BCAS3: variants seen among roughly 807,000 people sequenced by gnomAD.
BCAS3 encodes BCAS3 microtubule associated cell migration factor.
In BCAS3, 53 loss-of-function variants were observed where a neutral mutation model predicts 116.1. The ratio of observed to expected loss-of-function variants is 0.46; its 90% CI spans 0.37 to 0.57. BCAS3 has a LOEUF of 0.57. BCAS3 is among the 20% of genes least tolerant of loss of function. BCAS3 has a pLI of 0.00. For synonymous variants in BCAS3, 391 were observed against 408.2 expected (o/e 0.96, Z 0.51); for missense variants, 917 against 1,165.4 (o/e 0.79, Z 3.10).
rs1307029585 is a variant in BCAS3 at position 61,339,879 on chromosome 17, A to C, written c.2426-28448A>C. Among the ~76,000 whole-genome samples, 2 of 152,168 alleles carry C rather than the reference A, an allele frequency of 1.3e-5. No homozygotes were observed. The highest frequency in any genetic ancestry group is 4.8e-5 in the African/African-American group (2 of 41,448). The stretch of plus-strand genomic sequence containing the variant: ...GGTGAGTGTGCTGTCCCGAAAGCCA[A>C]GTAGAGAGAGGGTCAACTATGTCGA... On this transcript the variant is annotated intron_variant, in intron 22 of 23. Coordinates refer to ENST00000407086, the MANE Select transcript of BCAS3 (RefSeq NM_017679.5). The surrounding 1 kb of genome is among the most constrained non-coding windows in gnomAD (Gnocchi z 4.4).
At chr17:60,836,111 A>G (rs2051351631) in intron 7 of BCAS3, among the ~76,000 whole-genome samples, 1 of 152,172 alleles carries the variant, frequency 6.6e-6, no homozygotes, top group Non-Finnish European at 1.5e-5. Flanking sequence ...ATACATTTAT[A>G]GCCTCTGCCA....
At chr17:61,341,936 A>T (rs1391730931) in intron 22 of BCAS3, among the ~76,000 whole-genome samples, 1 of 152,254 alleles carries the variant, frequency 6.6e-6, no homozygotes, top group Non-Finnish European at 1.5e-5. Flanking sequence ...TCTAGATATG[A>T]TAGACAGAAA....
In BCAS3 at chr17:61,339,037, A is replaced by G. The variant is rs952036849; in HGVS notation, c.2426-29290A>G. ...GTTTAACATCTTGGTTTTGGGAAAAAAAAAAATTCACAAAGACCCATCTGC... is the reference window on the plus strand; with the variant it reads ...GTTTAACATCTTGGTTTTGGGAAAAGAAAAAATTCACAAAGACCCATCTGC... On this transcript the variant is annotated intron_variant, in intron 22 of 23. Transcript: ENST00000407086. The surrounding 1 kb of genome is among the most constrained non-coding windows in gnomAD (Gnocchi z 4.4). 6.6e-6 allele frequency among the ~76,000 whole-genome samples: 1 copy of G among 151,880 alleles called. No individual in the cohort carries two copies. The highest frequency in any genetic ancestry group is 2.4e-5 in the African/African-American group (1 of 41,280).
chr17:60,724,582 G>A (rs1161889098), intron 5 of BCAS3, among the ~76,000 whole-genome samples: 3 of 151,888 alleles, frequency 2.0e-5, no homozygotes, highest in South Asian at 2.1e-4. Flanking sequence ...AAAATTAGCC[G>A]GGTGTGGTGG....
chr17:61,089,075 G>A (rs1393506660), intron 22 of BCAS3, among the ~76,000 whole-genome samples: 1 of 152,090 alleles, frequency 6.6e-6, no homozygotes, highest in African/African-American at 2.4e-5. Context: ...CAGACTTGGG[G>A]TTTTTTGTTG....
intron 15 of BCAS3, among the ~76,000 whole-genome samples, chr17:60,996,180 A>G (rs1311558581): frequency 6.6e-6 from 1 of 152,154 alleles, no homozygotes; most frequent in Non-Finnish European, 1.5e-5. Context: ...CATTGAGAAT[A>G]AGAGTGACAT....
At position 61,281,947 on chromosome 17, in the gene BCAS3, A is replaced by C. The variant is rs56110617; in HGVS notation, c.2426-86380A>C. Among the ~76,000 whole-genome samples, 701 of 152,204 alleles carry C rather than the reference A, an allele frequency of 4.6e-3. 5 individuals carry two copies. Among genetic ancestry groups the C allele is most frequent in the African/African-American group, 0.016 (672 of 41,532 alleles). The stretch of plus-strand genomic sequence containing the variant: ...GTTGTGCACATAATAGATGTTCAAG[A>C]CTTTTTTCTAAACAGCTATTTCAAT... On this transcript the variant is annotated intron_variant, in intron 22 of 23. Coordinates refer to ENST00000407086, the MANE Select transcript of BCAS3 (RefSeq NM_017679.5). This position sits in a 1 kb window ranked among gnomAD's most constrained non-coding sequence, Gnocchi z 4.2.
At chr17:60,933,491 T>G (rs747894) in intron 13 of BCAS3, among the ~76,000 whole-genome samples, 15,268 of 152,108 alleles carry the variant, frequency 0.1, 2,593 homozygotes, top group African/African-American at 0.35. Context: ...GGAAAATGAG[T>G]GTTGAATCTC....
At chr17:60,823,670 G>T (rs2050145062) in intron 7 of BCAS3, among the ~76,000 whole-genome samples, 1 of 152,156 alleles carries the variant, frequency 6.6e-6, no homozygotes, top group Non-Finnish European at 1.5e-5. Flanking sequence ...CACTGAACTG[G>T]TTTTTTGTTC....
At chr17:61,176,313 A>T (rs1161185332) in intron 22 of BCAS3, among the ~76,000 whole-genome samples, 1 of 149,072 alleles carries the variant, frequency 6.7e-6, no homozygotes, top group African/African-American at 2.4e-5. Flanking sequence ...CATTTTTCTG[A>T]CTTTATATAT....
At chr17:61,264,141 A>T (rs1294514628) in intron 22 of BCAS3, among the ~76,000 whole-genome samples, 3 of 151,956 alleles carry the variant, frequency 2.0e-5, no homozygotes, top group Non-Finnish European at 4.4e-5. Context: ...TATATATATA[A>T]AATTATATAG....
rs770079369 is a variant in BCAS3, at chr17:61,259,458, C to T, written c.2426-108869C>T. On this transcript the variant is annotated intron_variant, in intron 22 of 23. Transcript: ENST00000407086. The surrounding 1 kb of genome is among the most constrained non-coding windows in gnomAD (Gnocchi z 4.7). Reference sequence around the variant, plus strand: ...TCCTGTCCATAGGGGTTGAGAACATCGTTGGATGATATGTTTAATGCTGCA... The same window carrying T: ...TCCTGTCCATAGGGGTTGAGAACATTGTTGGATGATATGTTTAATGCTGCA... Among the ~76,000 whole-genome samples, 1 of 152,102 alleles carries T rather than the reference C, an allele frequency of 6.6e-6. No individual in the cohort carries two copies. The highest frequency in any genetic ancestry group is 1.5e-5 in the Non-Finnish European group (1 of 68,034).
intron 5 of BCAS3, among the ~76,000 whole-genome samples, chr17:60,728,966 G>A (rs2040191239): frequency 6.6e-6 from 1 of 152,126 alleles, no homozygotes; most frequent in Admixed American, 6.5e-5. Context: ...GAACATTTTT[G>A]TACTCATAAA....
chr17:61,374,374 T>C (rs1238674029), intron 23 of BCAS3, among the ~76,000 whole-genome samples: 2 of 152,078 alleles, frequency 1.3e-5, no homozygotes, highest in African/African-American at 4.8e-5. Context: ...TTTCACCATG[T>C]TGGCCAGGCT....
rs2054738494 is a variant in BCAS3 at position 61,316,431 on chromosome 17, C to T, written c.2426-51896C>T. 6.6e-6 allele frequency among the ~76,000 whole-genome samples: 1 copy of T among 152,092 alleles called. No individual in the cohort carries two copies. The highest frequency in any genetic ancestry group is 1.5e-5 in the Non-Finnish European group (1 of 68,018). On this transcript the variant is annotated intron_variant, in intron 22 of 23. Transcript: ENST00000407086. This position sits in a 1 kb window ranked among gnomAD's most constrained non-coding sequence, Gnocchi z 5.8. ...AGCAGCAGAAGAGATGATGTTCATG[C>T]CCCATGCCTTTGTTGGTACTGGTCC...
At position 60,956,045 on chromosome 17, in the gene BCAS3, T is replaced by C. The variant is rs533878359; in HGVS notation, c.1221+8693T>C. Among the ~76,000 whole-genome samples the C allele has an allele frequency of 6.6e-6, 1 of 152,250 alleles. No homozygotes were observed. Among genetic ancestry groups the C allele is most frequent in the Admixed American group, 6.5e-5 (1 of 15,288 alleles). Reference sequence around the variant, plus strand: ...AAAATTTACAAGGTTTTTGGGGCAGTAATTTAAAACTATGTAAATATGCCA... The same window carrying C: ...AAAATTTACAAGGTTTTTGGGGCAGCAATTTAAAACTATGTAAATATGCCA... On this transcript the variant is annotated intron_variant, in intron 14 of 23. Coordinates refer to ENST00000407086, the MANE Select transcript of BCAS3 (RefSeq NM_017679.5). This position sits in a 1 kb window ranked among gnomAD's most constrained non-coding sequence, Gnocchi z 4.2.
At chr17:61,129,081 A>G (rs1216124011) in intron 22 of BCAS3, among the ~76,000 whole-genome samples, 2 of 152,234 alleles carry the variant, frequency 1.3e-5, no homozygotes, top group Non-Finnish European at 2.9e-5. Context: ...ATAGAGGATC[A>G]GGAGATCAGG....
intron 23 of BCAS3, chr17:61,383,476 C>G (rs1308816177): frequency 6.6e-6 from 1 of 152,472 alleles, no homozygotes; most frequent in African/African-American, 2.4e-5. Flanking sequence ...TCACCACCCC[C>G]ACCCCTGTTG....
chr17:61,075,274 T>C (rs1203488486), intron 20 of BCAS3, among the ~76,000 whole-genome samples: 1 of 152,146 alleles, frequency 6.6e-6, no homozygotes. Flanking sequence ...ATTTGTGTAT[T>C]TTTCACACAA....
Sources: gnomAD v4.1 joint callset for allele counts (sites outside exome capture counted in the v4.1 genomes callset) on GRCh38, gnomAD v4.1.1 for gene constraint, Gnocchi (gnomAD v3.1) non-coding constraint, MANE v1.5 for transcripts, NCBI Gene and HGNC (gene_info 2026-07-23, HGNC 2026-07-21) for gene names.